ZC3H12B: variants seen among roughly 807,000 people sequenced by gnomAD.
ZC3H12B encodes probable ribonuclease ZC3H12B.
ZC3H12B carries 7 observed loss-of-function variants against 43.9 expected under a neutral mutation model. The ratio of observed to expected loss-of-function variants is 0.16; its 90% CI spans 0.09 to 0.30. ZC3H12B has a LOEUF of 0.30. Among genes scored for constraint, ZC3H12B ranks in the 10% least tolerant of loss-of-function variants. ZC3H12B has a pLI of 1.00. For synonymous variants in ZC3H12B, 222 were observed against 241.7 expected (o/e 0.92, Z 0.76); for missense variants, 475 against 670.2 (o/e 0.71, Z 3.22).
chrX:65,080,106 C>T, the ZC3H12B span, among the ~76,000 whole-genome samples: 8,576 of 105,396 alleles, frequency 0.081, 996 homozygotes, highest in African/African-American at 0.29. Flanking sequence ...CTCAGAGTCT[C>T]GCAACAGCAC....
chrX:65,106,059 G>A, the ZC3H12B span, among the ~76,000 whole-genome samples: 3 of 111,745 alleles, frequency 2.7e-5, no homozygotes, highest in South Asian at 3.7e-4. Flanking sequence ...ATTGGTTGTG[G>A]CCTGTAGTTT....
the ZC3H12B span, among the ~76,000 whole-genome samples, chrX:65,102,636 A>G: frequency 8.9e-6 from 1 of 112,098 alleles, no homozygotes. Flanking sequence ...CCCATTCACA[A>G]TTGCTACAAA....
At chrX:65,296,260 A>T in the ZC3H12B span, among the ~76,000 whole-genome samples, 1 of 111,696 alleles carries the variant, frequency 9.0e-6, no homozygotes, top group African/African-American at 3.2e-5. Flanking sequence ...TCAGGAATGG[A>T]AAACCAGATA....
intron 2 of ZC3H12B, among the ~76,000 whole-genome samples, chrX:65,386,911 G>C (rs1036361536): frequency 8.9e-6 from 1 of 111,792 alleles, no homozygotes; most frequent in African/African-American, 3.3e-5. Context: ...GTACCCAGTA[G>C]TCATTCAGGA....
At chrX:65,455,798 C>A (rs1173373459) in intron 3 of ZC3H12B, among the ~76,000 whole-genome samples, 1 of 112,006 alleles carries the variant, frequency 8.9e-6, no homozygotes, top group African/African-American at 3.3e-5. Flanking sequence ...ACTCTACAAG[C>A]CAGAAGAGAG....
At chrX:65,442,240 G>A (rs746990311) in intron 3 of ZC3H12B, among the ~76,000 whole-genome samples, 5 of 109,726 alleles carry the variant, frequency 4.6e-5, no homozygotes, top group Admixed American at 9.9e-5. Flanking sequence ...CTGATAGGTC[G>A]CAGAGCAGCC....
chrX:65,492,081 C>T (rs1163485715), intron 1 of ZC3H12B, among the ~76,000 whole-genome samples: 3 of 110,685 alleles, frequency 2.7e-5, no homozygotes, highest in Non-Finnish European at 3.8e-5. Context: ...CCAGACCACC[C>T]GGAACACCCT....
At chrX:65,247,231 A>G in the ZC3H12B span, among the ~76,000 whole-genome samples, 4 of 112,380 alleles carry the variant, frequency 3.6e-5, no homozygotes, top group Non-Finnish European at 5.6e-5. Context: ...AAAAAGTCAA[A>G]CAATCACAGA....
chrX:65,286,106 T>C, the ZC3H12B span, among the ~76,000 whole-genome samples: 1,011 of 111,507 alleles, frequency 9.1e-3, 9 homozygotes, highest in Admixed American at 0.013. Flanking sequence ...AAAAGACACA[T>C]GCACTCATAT....
the ZC3H12B span, among the ~76,000 whole-genome samples, chrX:65,211,337 G>T: frequency 2.8e-5 from 3 of 108,782 alleles, no homozygotes; most frequent in African/African-American, 3.3e-5. Context: ...CCAAAAATCT[G>T]TGGGAATAAA....
chrX:65,261,083 C>A, the ZC3H12B span, among the ~76,000 whole-genome samples: 1 of 111,614 alleles, frequency 9.0e-6, no homozygotes, highest in African/African-American at 3.2e-5. Flanking sequence ...AAAGTAAATT[C>A]ATTAAATCAA....
chrX:65,063,679 G>A, the ZC3H12B span, among the ~76,000 whole-genome samples: 1 of 112,253 alleles, frequency 8.9e-6, no homozygotes, highest in Non-Finnish European at 1.9e-5. Flanking sequence ...CATACAGTGA[G>A]TTAGGGAGGA....
At chrX:65,416,403 C>G (rs2066960565) in intron 3 of ZC3H12B, among the ~76,000 whole-genome samples, 2 of 111,052 alleles carry the variant, frequency 1.8e-5, no homozygotes, top group African/African-American at 6.5e-5. Context: ...GATAACCAAA[C>G]TTATGAAAAT....
the ZC3H12B span, among the ~76,000 whole-genome samples, chrX:65,130,200 C>A: frequency 9.0e-6 from 1 of 110,795 alleles, no homozygotes; most frequent in Admixed American, 9.6e-5. Context: ...TTTTACCTTT[C>A]CTGAAGATTG....
At chrX:65,490,734 T>G (rs927779857) in intron 1 of ZC3H12B, among the ~76,000 whole-genome samples, 1 of 111,751 alleles carries the variant, frequency 8.9e-6, no homozygotes, top group Non-Finnish European at 1.9e-5. Flanking sequence ...AAAACCCCAG[T>G]AATCAGGAGC....
the ZC3H12B span, among the ~76,000 whole-genome samples, chrX:65,177,550 C>T: frequency 4.5e-5 from 5 of 112,212 alleles, no homozygotes; most frequent in African/African-American, 1.6e-4. Flanking sequence ...AGTCCAAAAA[C>T]CCCTTAAGCT....
At chrX:65,365,591 C>A (rs1487831146), upstream of ZC3H12B, among the ~76,000 whole-genome samples, 2 of 110,959 alleles carry the variant, frequency 1.8e-5, no homozygotes, top group African/African-American at 6.6e-5. Flanking sequence ...TACCATCCCC[C>A]AAAATTTTTG....
At chrX:65,370,648 T>C (rs2066232329) in intron 2 of ZC3H12B, among the ~76,000 whole-genome samples, 1 of 111,981 alleles carries the variant, frequency 8.9e-6, no homozygotes, top group Non-Finnish European at 1.9e-5. Context: ...TTTCTGGTTG[T>C]CCTACCTGTT....
the ZC3H12B span, among the ~76,000 whole-genome samples, chrX:65,259,504 A>T: frequency 8.9e-6 from 1 of 112,139 alleles, no homozygotes; most frequent in Admixed American, 9.5e-5. Context: ...AGGACCTACC[A>T]AAGAATTCAT....
Sources: allele counts gnomAD v4.1 joint callset (sites outside exome capture counted in the v4.1 genomes callset), GRCh38; gene constraint gnomAD v4.1.1; transcripts MANE v1.5; gene names NCBI Gene and HGNC (gene_info 2026-07-23, HGNC 2026-07-21).